The following COL22A1 variants were observed in gnomAD, a reference collection of about 807,000 sequenced individuals.
COL22A1 encodes the protein collagen type XXII alpha 1 chain.
A neutral mutation model predicts 248.9 loss-of-function variants in COL22A1; 221 were observed. That is an observed-to-expected ratio of 0.89 (90% confidence interval 0.80 to 0.99). The LOEUF (loss-of-function observed/expected upper bound fraction) is 0.99. COL22A1 is among the 50% of genes least tolerant of loss of function. The probability of loss-of-function intolerance (pLI) is 0.00; values close to 1 mark genes in which losing one functional copy is unlikely to be tolerated. For synonymous variants in COL22A1, 891 were observed against 793.4 expected, an observed-to-expected ratio of 1.12 and a Z score of -2.07; for missense variants, 2,240 against 2,179.0, an observed-to-expected ratio of 1.03 and a Z score of -0.56.
intron 5 of COL22A1, 22 bp downstream of exon 5, chr8:138,833,017 G>A (rs1423713365): frequency 2.7e-6 from 4 of 1,507,836 alleles, no homozygotes; most frequent in South Asian, 1.1e-5. Flanking sequence ...GGGCAGGTCT[G>A]GAAAGAGAAG....
chr8:138,589,426 G>C lies in COL22A1; in HGVS notation c.4708C>G (p.Pro1570Ala). 6.4e-7 allele frequency: 1 copy of C among 1,561,344 alleles called. No individual in the cohort carries two copies. The highest frequency in any genetic ancestry group is 8.7e-7 in the Non-Finnish European group (1 of 1,155,688). Residue 1570 changes from proline to alanine, a missense_variant, in exon 65 of 65, where the codon CCT becomes GCT. Transcript: ENST00000303045. Reference sequence around the variant, plus strand: ...GGAAGTCCATCTTTAGCATAGCCAGGTTCCCCGGGTTGACCTGGCCCAAGG... The same window carrying C: ...GGAAGTCCATCTTTAGCATAGCCAGCTTCCCCGGGTTGACCTGGCCCAAGG... ...PPGIPGQPGE[P>A]GYAKDGLPGI...
Position 138,786,254 on chromosome 8 carries a change from T to A in COL22A1, c.1597-5274A>T, listed in dbSNP as rs145153786. Among the ~76,000 whole-genome samples, 882 of 152,334 alleles carry A rather than the reference T, an allele frequency of 5.8e-3. 11 individuals carry two copies. The highest frequency in any genetic ancestry group is 0.02 in the African/African-American group (843 of 41,566). On this transcript the variant is annotated intron_variant, in intron 12 of 64. Coordinates refer to ENST00000303045, the MANE Select transcript of COL22A1 (RefSeq NM_152888.3). Reference sequence around the variant, plus strand: ...ATGTGGCCACCCTTACTGTGTATTCTAAGAAGAGAACTAGAGGTCTCTGTA... The same window carrying A: ...ATGTGGCCACCCTTACTGTGTATTCAAAGAAGAGAACTAGAGGTCTCTGTA...
At chr8:138,620,567 G>A (rs1819705305) in intron 52 of COL22A1, 1 of 152,202 alleles carries the variant, frequency 6.6e-6, no homozygotes. Context: ...GTAGGTCTTT[G>A]TGATAGAGGG....
At chr8:138,765,129 G>T (rs1237825925) in intron 16 of COL22A1, among the ~76,000 whole-genome samples, 2 of 152,176 alleles carry the variant, frequency 1.3e-5, no homozygotes, top group Non-Finnish European at 2.9e-5. Flanking sequence ...CAAGAAATGA[G>T]GAAACTGAGG....
At chr8:138,654,439 C>T (rs761368454) in intron 45 of COL22A1, among the ~76,000 whole-genome samples, 6 of 152,188 alleles carry the variant, frequency 3.9e-5, no homozygotes, top group Non-Finnish European at 7.3e-5. Context: ...AGATTGAACG[C>T]CCCAGACTTC....
rs934801191 is a variant in COL22A1 at position 138,616,965 on chromosome 8, G to A, written c.3826-7C>T. 5 of 1,614,088 alleles carry A rather than the reference G, an allele frequency of 3.1e-6. No individual in the cohort carries two copies. In the African/African-American group the frequency reaches 6.7e-5, roughly 22 times the overall value. Reference sequence around the variant, plus strand: ...CTGTGTGTCCCTTGAAGCCCTAGAAGGAAGAGAATGGAGTTATTCCATGAT... The same window carrying A: ...CTGTGTGTCCCTTGAAGCCCTAGAAAGAAGAGAATGGAGTTATTCCATGAT... On this transcript the variant is annotated splice_region_variant and splice_polypyrimidine_tract_variant and intron_variant, in intron 53 of 64. Coordinates refer to ENST00000303045, the MANE Select transcript of COL22A1 (RefSeq NM_152888.3).
At chr8:138,695,000 C>T (rs1169120980) in intron 32 of COL22A1, 121 bp from the exon 33 acceptor site, 4 of 833,784 alleles carry the variant, frequency 4.8e-6, no homozygotes, top group Non-Finnish European at 7.6e-6. Context: ...CCTGATAGGT[C>T]CCCACCCCCA....
chr8:138,829,403 G>GTTTTTTTTTTTTTTTTT (rs765618552), intron 5 of COL22A1, among the ~76,000 whole-genome samples: 3 of 90,640 alleles, frequency 3.3e-5, no homozygotes, highest in South Asian at 4.4e-4. Context: ...TTCCTTTCCT[G>GTTTTTTTTTTTTTTTTT]TTTTTTTTTT....
intron 22 of COL22A1, among the ~76,000 whole-genome samples, chr8:138,744,090 C>G (rs1291320688): frequency 1.3e-5 from 2 of 152,192 alleles, no homozygotes; most frequent in African/African-American, 4.8e-5. Flanking sequence ...GATATAAACC[C>G]TGGCTTCATG....
At chr8:138,823,299 C>A (rs972700967) in intron 6 of COL22A1, among the ~76,000 whole-genome samples, 1 of 152,174 alleles carries the variant, frequency 6.6e-6, no homozygotes, top group African/African-American at 2.4e-5. Flanking sequence ...TAAATATTTG[C>A]AATAATGAAT....
intron 4 of COL22A1, among the ~76,000 whole-genome samples, chr8:138,838,340 A>C (rs1327124388): frequency 6.6e-6 from 1 of 151,930 alleles, no homozygotes; most frequent in African/African-American, 2.4e-5. Flanking sequence ...TCACTGAGGG[A>C]TGAGGGGGAG....
intron 16 of COL22A1, among the ~76,000 whole-genome samples, chr8:138,763,066 C>CA (rs1420730408): frequency 2.0e-5 from 3 of 152,042 alleles, no homozygotes; most frequent in South Asian, 4.2e-4. Flanking sequence ...ACCCCTTCCT[C>CA]AAAAGATAGC....
chr8:138,633,763 T>C (rs1164962511), intron 49 of COL22A1, among the ~76,000 whole-genome samples: 3 of 152,188 alleles, frequency 2.0e-5, no homozygotes, highest in African/African-American at 7.2e-5. Context: ...AATATTCAAA[T>C]ACAGTGCAAA....
intron 30 of COL22A1, among the ~76,000 whole-genome samples, chr8:138,705,895 T>A (rs1828389917): frequency 6.6e-6 from 1 of 152,128 alleles, no homozygotes; most frequent in Non-Finnish European, 1.5e-5. Flanking sequence ...CCATCTCACA[T>A]GCAGAGACAC....
intron 22 of COL22A1, among the ~76,000 whole-genome samples, chr8:138,748,558 T>C (rs183626898): frequency 6.6e-6 from 1 of 152,308 alleles, no homozygotes; most frequent in East Asian, 1.9e-4. Context: ...GGCAGAGCTG[T>C]TATGGGAGCT....
At chr8:138,829,984 A>G (rs1819908359) in intron 5 of COL22A1, among the ~76,000 whole-genome samples, 1 of 152,242 alleles carries the variant, frequency 6.6e-6, no homozygotes, top group African/African-American at 2.4e-5. Context: ...GTGTTTATAT[A>G]TGTACCCATA....
chr8:138,590,716 C>T (rs1587612082), intron 64 of COL22A1, among the ~76,000 whole-genome samples: 2 of 152,144 alleles, frequency 1.3e-5, no homozygotes, highest in South Asian at 2.1e-4. Flanking sequence ...ATAGAAGCCT[C>T]AAAAGTCAAA....
intron 5 of COL22A1, among the ~76,000 whole-genome samples, chr8:138,827,863 C>A (rs911980775): frequency 4.6e-5 from 7 of 151,868 alleles, no homozygotes; most frequent in Non-Finnish European, 8.8e-5. Flanking sequence ...AACCCCGCCA[C>A]CCCCACCAAC....
chr8:138,601,671 TA>T (rs1424208827), intron 60 of COL22A1, among the ~76,000 whole-genome samples: 10 of 152,166 alleles, frequency 6.6e-5, no homozygotes, highest in African/African-American at 2.4e-4. Flanking sequence ...GCTTTCTGAG[TA>T]TAACGCCAAG....
Sources: allele counts gnomAD v4.1 joint callset (sites outside exome capture counted in the v4.1 genomes callset), GRCh38; gene constraint gnomAD v4.1.1; transcripts MANE v1.5; gene names NCBI Gene and HGNC (gene_info 2026-07-23, HGNC 2026-07-21).